LGR5: variants seen among roughly 807,000 people sequenced by gnomAD.
LGR5 encodes the protein leucine rich repeat containing G protein-coupled receptor 5.
In LGR5, 54 loss-of-function variants were observed where a neutral mutation model predicts 76.7. The ratio of observed to expected loss-of-function variants is 0.70; its 90% CI spans 0.57 to 0.88. LGR5 has a LOEUF of 0.88. Among genes scored for constraint, LGR5 ranks in the 40% least tolerant of loss-of-function variants. LGR5 has a pLI of 0.00. For missense variants in LGR5, 1,078 were observed against 1,073.3 expected, an observed-to-expected ratio of 1.00 and a Z score of -0.06; for synonymous variants, 406 against 421.9, an observed-to-expected ratio of 0.96 and a Z score of 0.46.
In LGR5 at chr12:71,494,787, G is replaced by A. The variant is rs185256263; in HGVS notation, c.213-9827G>A. 1.3e-4 allele frequency among the ~76,000 whole-genome samples: 20 copies of A among 151,086 alleles called. No homozygotes were observed. In the East Asian group the frequency reaches 2.5e-3, roughly 19 times the overall value. On this transcript the variant is annotated intron_variant, in intron 1 of 17. Coordinates refer to ENST00000266674, the MANE Select transcript of LGR5 (RefSeq NM_003667.4). ...CCTATTGAATACCCAGTTTAACCTCGAGATCCCAATCTGGATTCCAGATCT... is the reference window on the plus strand; with the variant it reads ...CCTATTGAATACCCAGTTTAACCTCAAGATCCCAATCTGGATTCCAGATCT...
At chr12:71,457,797 T>C (rs1872545481) in intron 1 of LGR5, among the ~76,000 whole-genome samples, 1 of 152,174 alleles carries the variant, frequency 6.6e-6, no homozygotes, top group Non-Finnish European at 1.5e-5. Flanking sequence ...ATGTGAGTTG[T>C]TGGAGGCAGT....
In LGR5 at chr12:71,581,628, T is replaced by C. The variant is rs546292487; in HGVS notation, c.1553-828T>C. The stretch of plus-strand genomic sequence containing the variant: ...ACAGCATGTGTCTTGTTCTTGTTCT[T>C]GCTTCAGTTTTTGCTCTTCCTGCCT... On this transcript the variant is annotated intron_variant, in intron 16 of 17. Coordinates refer to ENST00000266674, the MANE Select transcript of LGR5 (RefSeq NM_003667.4). Among the ~76,000 whole-genome samples, 16 of 152,378 alleles carry C rather than the reference T, an allele frequency of 1.1e-4. No homozygotes were observed. In the South Asian group the frequency reaches 2.9e-3, roughly 28 times the overall value.
chr12:71,577,458 T>G (rs1180689265), intron 13 of LGR5, among the ~76,000 whole-genome samples: 1 of 152,200 alleles, frequency 6.6e-6, no homozygotes, highest in East Asian at 1.9e-4. Flanking sequence ...GAAATTTTCT[T>G]GAAAGCATCT....
chr12:71,502,126 T>C (rs1874634307), intron 1 of LGR5, among the ~76,000 whole-genome samples: 1 of 151,990 alleles, frequency 6.6e-6, no homozygotes, highest in South Asian at 2.1e-4. Flanking sequence ...CTAAGAGGAA[T>C]TACAATATGA....
intron 1 of LGR5, among the ~76,000 whole-genome samples, chr12:71,477,064 C>T (rs1031746175): frequency 6.6e-6 from 1 of 152,008 alleles, no homozygotes; most frequent in Admixed American, 6.6e-5. Context: ...GAGAAAATGA[C>T]ATGGAATAAG....
At position 71,584,094 on chromosome 12, in the gene LGR5, T is replaced by C. The variant is rs1265812895; in HGVS notation, c.2084T>C (p.Met695Thr). The C allele has an allele frequency of 6.2e-7, 1 of 1,614,232 alleles. No homozygotes were observed. Among genetic ancestry groups the C allele is most frequent in the Admixed American group, 1.7e-5 (1 of 60,030 alleles). ...CTCTGTGCCCTGCTGGCCTTGACCA[T>C]GGCCGCAGTTCCCCTGCTGGGTGGC... is the stretch of plus-strand genomic sequence containing the variant. ...ILLCALLALT[M>T]AAVPLLGGSK... Residue 695 changes from methionine (M) to threonine (T), a missense_variant, in exon 18 of 18, where the codon ATG becomes ACG. Transcript: ENST00000266674.
chr12:71,496,370 CAAAAAA>C (rs67593850), intron 1 of LGR5, among the ~76,000 whole-genome samples: 12 of 99,574 alleles, frequency 1.2e-4, no homozygotes, highest in Non-Finnish European at 1.5e-4. Context: ...TCCATCTCAA[CAAAAAA>C]AAAAAAAAAA....
At position 71,584,396 on chromosome 12, in the gene LGR5, A is replaced by G. The variant is rs758444097; in HGVS notation, c.2386A>G (p.Ile796Val). 9.3e-6 allele frequency: 15 copies of G among 1,614,162 alleles called. No individual in the cohort carries two copies. Among genetic ancestry groups the G allele is most frequent in the Non-Finnish European group, 1.2e-5 (14 of 1,180,012 alleles). ...CTCCTCTTTAATAAACCTTACATTT[A>G]TCAGTCCTGAAGTAATTAAGTTTAT... ...SFSSLINLTF[I>V]SPEVIKFILL... Residue 796 changes from isoleucine (I) to valine (V), a missense_variant, in exon 18 of 18, where the codon ATC becomes GTC. Transcript: ENST00000266674.
chr12:71,490,866 A>T (rs1874038163), intron 1 of LGR5, among the ~76,000 whole-genome samples: 1 of 152,116 alleles, frequency 6.6e-6, no homozygotes, highest in Non-Finnish European at 1.5e-5. Context: ...TTTGTTCATG[A>T]TTACCTTCCC....
At chr12:71,497,140 C>A (rs1274026056) in intron 1 of LGR5, among the ~76,000 whole-genome samples, 1 of 151,414 alleles carries the variant, frequency 6.6e-6, no homozygotes, top group Non-Finnish European at 1.5e-5. Context: ...ATAGTGAGAC[C>A]TCATCTCTAC....
At chr12:71,484,727 C>A (rs1032671845) in intron 1 of LGR5, among the ~76,000 whole-genome samples, 1 of 152,178 alleles carries the variant, frequency 6.6e-6, no homozygotes, top group Non-Finnish European at 1.5e-5. Flanking sequence ...TGAGTACACA[C>A]GGTTCCTACG....
chr12:71,461,847 C>T (rs983353459), intron 1 of LGR5, among the ~76,000 whole-genome samples: 1 of 152,058 alleles, frequency 6.6e-6, no homozygotes, highest in African/African-American at 2.4e-5. Context: ...CATCCTGGAC[C>T]ACTCTCCAGC....
At chr12:71,462,638 T>C (rs975598594) in intron 1 of LGR5, among the ~76,000 whole-genome samples, 13 of 152,258 alleles carry the variant, frequency 8.5e-5, no homozygotes, top group Admixed American at 7.8e-4. Flanking sequence ...TCATCTTTTA[T>C]GGTGCATTCA....
At chr12:71,558,728 G>A (rs1181871888) in intron 6 of LGR5, among the ~76,000 whole-genome samples, 2 of 152,184 alleles carry the variant, frequency 1.3e-5, no homozygotes, top group Non-Finnish European at 2.9e-5. Context: ...ATTGCCTGAC[G>A]AAAAGGTTTT....
intron 1 of LGR5, among the ~76,000 whole-genome samples, chr12:71,452,562 C>G (rs533985297): frequency 6.6e-6 from 1 of 152,282 alleles, no homozygotes; most frequent in Admixed American, 6.5e-5. Context: ...ATTCTTTCCT[C>G]TAAATTTGGC....
intron 4 of LGR5, among the ~76,000 whole-genome samples, chr12:71,548,789 C>A (rs1227220156): frequency 6.7e-6 from 1 of 149,972 alleles, no homozygotes; most frequent in Non-Finnish European, 1.5e-5. Context: ...CAAATCTCTG[C>A]ACTAATTTAT....
intron 1 of LGR5, among the ~76,000 whole-genome samples, chr12:71,492,047 G>A (rs1485870496): frequency 6.6e-6 from 1 of 151,960 alleles, no homozygotes; most frequent in Non-Finnish European, 1.5e-5. Flanking sequence ...GGGTAAATGG[G>A]GAAATTTAGG....
At chr12:71,521,224 A>G (rs35934655) in intron 2 of LGR5, among the ~76,000 whole-genome samples, 14,040 of 152,260 alleles carry the variant, frequency 0.092, 700 homozygotes, top group Non-Finnish European at 0.11. Context: ...CTAGGCAAGT[A>G]TGATACCATA....
intron 4 of LGR5, among the ~76,000 whole-genome samples, chr12:71,535,861 C>A (rs945708661): frequency 1.3e-5 from 2 of 152,136 alleles, no homozygotes; most frequent in Admixed American, 6.6e-5. Context: ...GAGTTTCCTA[C>A]CCCCCTACAC....
Sources: allele counts gnomAD v4.1 joint callset (sites outside exome capture counted in the v4.1 genomes callset), GRCh38; gene constraint gnomAD v4.1.1; transcripts MANE v1.5; gene names NCBI Gene and HGNC (gene_info 2026-07-23, HGNC 2026-07-21).